TBCD: variants seen among roughly 807,000 people sequenced by gnomAD.
The protein encoded by TBCD is tubulin folding cofactor D, also known as tubulin-specific chaperone D.
TBCD carries 105 observed loss-of-function variants against 169.3 expected under a neutral mutation model. The ratio of observed to expected loss-of-function variants is 0.62; its 90% CI spans 0.53 to 0.73. The LOEUF is 0.73. Among genes scored for constraint, TBCD ranks in the 30% least tolerant of loss-of-function variants. The pLI is 0.00. For synonymous variants in TBCD, 700 were observed against 643.9 expected (o/e 1.09, Z -1.32); for missense variants, 1,444 against 1,600.1 (o/e 0.90, Z 1.66).
At chr17:82,829,238 T>C (rs925337597) in intron 13 of TBCD, among the ~76,000 whole-genome samples, 8 of 149,792 alleles carry the variant, frequency 5.3e-5, no homozygotes, top group Non-Finnish European at 1.0e-4. Context: ...CACGTGCATC[T>C]GCAGACATGC....
rs565075339 is a variant in TBCD, at chr17:82,835,896, C to T, written c.1318+20962C>T. On this transcript the variant is annotated intron_variant, in intron 13 of 38. Transcript: ENST00000355528. The surrounding 1 kb of genome is among the most constrained non-coding windows in gnomAD (Gnocchi z 4.5). ...ATGAGTTTCTGTGTAGCAGGGACAG[C>T]GAGGCACGGTTTGGATGAGGACAAG... Among the ~76,000 whole-genome samples the T allele has an allele frequency of 3.9e-5, 6 of 152,262 alleles. No homozygotes were observed. The highest frequency in any genetic ancestry group is 2.1e-4 in the South Asian group (1 of 4,816).
chr17:82,850,212 G>C (rs150127399), intron 13 of TBCD, among the ~76,000 whole-genome samples: 2,498 of 113,274 alleles, frequency 0.022, 174 homozygotes, highest in South Asian at 0.065. Flanking sequence ...GCTGTTGTTG[G>C]CTGTGCTGCT....
chr17:82,835,844 C>T lies in TBCD; in HGVS notation c.1318+20910C>T, dbSNP rs939355345. Among the ~76,000 whole-genome samples, 2 of 152,222 alleles carry T rather than the reference C, an allele frequency of 1.3e-5. No individual in the cohort carries two copies. The highest frequency in any genetic ancestry group is 2.9e-5 in the Non-Finnish European group (2 of 68,044). On this transcript the variant is annotated intron_variant, in intron 13 of 38. Transcript: ENST00000355528. The surrounding 1 kb of genome is among the most constrained non-coding windows in gnomAD (Gnocchi z 4.5). ...AGAAGTGGTTTGGGTAGAAAAGGGG[C>T]TCTGCTGACCTGCCACCTTCGCTGT...
rs111499559 is a variant in TBCD at position 82,814,582 on chromosome 17, C to G, written c.1224-258C>G. Among the ~76,000 whole-genome samples the G allele has an allele frequency of 3.0e-3, 460 of 152,358 alleles. 2 individuals carry two copies. The highest frequency in any genetic ancestry group is 0.011 in the African/African-American group (446 of 41,580). ...CCAGGCTAGAGTGCAGTGGCGCGAT[C>G]TCAGCTCACTGCAACCTCCGCCTCC... On this transcript the variant is annotated intron_variant, in intron 12 of 38. Coordinates refer to ENST00000355528, the MANE Select transcript of TBCD (RefSeq NM_005993.5).
chr17:82,851,917 G>C (rs2055823976), intron 13 of TBCD, among the ~76,000 whole-genome samples: 1 of 152,166 alleles, frequency 6.6e-6, no homozygotes, highest in African/African-American at 2.4e-5. Flanking sequence ...ATAGAAAAGT[G>C]ACTCCTCACT....
intron 13 of TBCD, among the ~76,000 whole-genome samples, chr17:82,847,184 T>C (rs1453622556): frequency 6.6e-6 from 1 of 151,844 alleles, no homozygotes; most frequent in African/African-American, 2.4e-5. Context: ...ACCCCGTCTC[T>C]ACTAAAAATA....
intron 13 of TBCD, among the ~76,000 whole-genome samples, chr17:82,860,233 C>T (rs912122371): frequency 7.2e-5 from 11 of 152,364 alleles, no homozygotes; most frequent in African/African-American, 2.2e-4. Flanking sequence ...CGAGTGCCAG[C>T]GCACAGTGTT....
At chr17:82,856,396 G>C (rs8069721) in intron 13 of TBCD, among the ~76,000 whole-genome samples, 150,850 of 151,794 alleles carry the variant, frequency 0.99, 74,963 homozygotes, top group East Asian at 1. Flanking sequence ...CATTTGAGGC[G>C]AGGAGTTCAA....
intron 14 of TBCD, among the ~76,000 whole-genome samples, chr17:82,873,245 C>T (rs973757754): frequency 1.3e-5 from 2 of 152,350 alleles, no homozygotes; most frequent in African/African-American, 2.4e-5. Context: ...TCACTGAAAC[C>T]TGGGCCTGCC....
At chr17:82,921,686 G>A (rs1421874878) in intron 25 of TBCD, 109 bp downstream of exon 25, 2 of 963,238 alleles carry the variant, frequency 2.1e-6, no homozygotes, top group East Asian at 2.4e-5. Context: ...CCCTGCAGTA[G>A]CCTGATAACT....
chr17:82,930,980 C>T lies in TBCD; in HGVS notation c.3113+337C>T, dbSNP rs746013967. On this transcript the variant is annotated intron_variant, in intron 33 of 38. Transcript: ENST00000355528. This position sits in a 1 kb window ranked among gnomAD's most constrained non-coding sequence, Gnocchi z 5.2. Reference sequence around the variant, plus strand: ...GAGCTCCTCCAGCTTGGTGCTCCCACGGACGTGCTTGCGGACGCTCATCAG... The same window carrying T: ...GAGCTCCTCCAGCTTGGTGCTCCCATGGACGTGCTTGCGGACGCTCATCAG... Among the ~76,000 whole-genome samples, 5 of 152,210 alleles carry T rather than the reference C, an allele frequency of 3.3e-5. No homozygotes were observed. The highest frequency in any genetic ancestry group is 7.3e-5 in the Non-Finnish European group (5 of 68,034).
At chr17:82,887,260 G>A (rs2058823352) in intron 15 of TBCD, among the ~76,000 whole-genome samples, 1 of 152,024 alleles carries the variant, frequency 6.6e-6, no homozygotes, top group African/African-American at 2.4e-5. Context: ...AGGATACACA[G>A]CAGCCCTGTC....
At position 82,806,148 on chromosome 17, in the gene TBCD, T is replaced by A; in HGVS notation, c.1087+137T>A. ...CCCGTCCCCTTCGCTGAGTGCACGG[T>A]CACTGCCCGTCCTCTGGCTCCTGAA... is the stretch of plus-strand genomic sequence containing the variant. On this transcript the variant is annotated intron_variant, in intron 10 of 38. Coordinates refer to ENST00000355528, the MANE Select transcript of TBCD (RefSeq NM_005993.5). The surrounding 1 kb of genome is among the most constrained non-coding windows in gnomAD (Gnocchi z 5.1). 8.4e-7 allele frequency: 1 copy of A among 1,188,712 alleles called. No individual in the cohort carries two copies. Among genetic ancestry groups the A allele is most frequent in the Non-Finnish European group, 1.2e-6 (1 of 857,514 alleles). 73.6% of individuals were successfully genotyped at this position (1,188,712 alleles called of 1,614,324 possible). A position where few individuals can be genotyped will look rare whatever the true frequency, so the allele number is the denominator to read the frequency against.
rs200072942 is a variant in TBCD at position 82,806,052 on chromosome 17, G to A, written c.1087+41G>A. 618 of 1,598,720 alleles carry A rather than the reference G, an allele frequency of 3.9e-4. No individual in the cohort carries two copies. The highest frequency in any genetic ancestry group is 5.1e-4 in the Non-Finnish European group (597 of 1,168,538). ...GCGGCGGCCTCTGCTCTTGGGCACCGTCGGGCCAATTCCCCTCTACTCCAG... is the reference window on the plus strand; with the variant it reads ...GCGGCGGCCTCTGCTCTTGGGCACCATCGGGCCAATTCCCCTCTACTCCAG... On this transcript the variant is annotated intron_variant, in intron 10 of 38. Transcript: ENST00000355528. The surrounding 1 kb of genome is among the most constrained non-coding windows in gnomAD (Gnocchi z 5.1).
chr17:82,798,789 G>T (rs1226892178), intron 8 of TBCD, among the ~76,000 whole-genome samples: 3 of 152,024 alleles, frequency 2.0e-5, no homozygotes, highest in African/African-American at 7.3e-5. Context: ...TTACTGTGTC[G>T]CCCAGGCTGG....
intron 13 of TBCD, among the ~76,000 whole-genome samples, chr17:82,843,322 C>T (rs1270792183): frequency 2.8e-5 from 4 of 143,402 alleles, no homozygotes; most frequent in Non-Finnish European, 4.6e-5. Context: ...CTTCCCCTCC[C>T]CTCCCCTCCC....
chr17:82,754,412 A>T (rs1307126517), intron 1 of TBCD, among the ~76,000 whole-genome samples: 3 of 152,286 alleles, frequency 2.0e-5, no homozygotes, highest in African/African-American at 7.2e-5. Context: ...ATCTGAAAAG[A>T]TATCTTTAAA....
At chr17:82,839,003 A>C (rs188833987) in intron 13 of TBCD, 26 of 983,340 alleles carry the variant, frequency 2.6e-5, no homozygotes, top group Non-Finnish European at 2.8e-5. Flanking sequence ...GAGAAATTTC[A>C]TATAAGGAAA....
At chr17:82,878,683 G>T (rs34424116) in intron 14 of TBCD, among the ~76,000 whole-genome samples, 18,913 of 152,250 alleles carry the variant, frequency 0.12, 1,485 homozygotes, top group Admixed American at 0.19. Flanking sequence ...TCTGTAACTA[G>T]CAGTGTTCTT....
Sources: allele counts gnomAD v4.1 joint callset (sites outside exome capture counted in the v4.1 genomes callset), GRCh38; gene constraint gnomAD v4.1.1; non-coding constraint Gnocchi (gnomAD v3.1); transcripts MANE v1.5; gene names NCBI Gene and HGNC (gene_info 2026-07-23, HGNC 2026-07-21).